TEX11: variants seen among roughly 807,000 people sequenced by gnomAD.
The protein encoded by TEX11 is testis-expressed protein 11.
A neutral mutation model predicts 84.4 loss-of-function variants in TEX11; 7 were observed. The ratio of observed to expected loss-of-function variants is 0.08; its 90% CI spans 0.05 to 0.16. TEX11 has a LOEUF of 0.16. Among genes scored for constraint, TEX11 ranks in the 10% least tolerant of loss-of-function variants. The pLI is 1.00. For synonymous variants in TEX11, 264 were observed against 222.8 expected, an observed-to-expected ratio of 1.18 and a Z score of -1.64; for missense variants, 551 against 660.5, an observed-to-expected ratio of 0.83 and a Z score of 1.82.
chrX:70,538,086 G>A (rs143279045), intron 28 of TEX11, among the ~76,000 whole-genome samples: 115 of 111,585 alleles, frequency 1.0e-3, no homozygotes, highest in African/African-American at 3.7e-3. Context: ...TGAGGGACAC[G>A]TTTTCTTCAG....
chrX:70,892,995 A>G (rs913781385), intron 2 of TEX11, among the ~76,000 whole-genome samples: 4 of 111,464 alleles, frequency 3.6e-5, no homozygotes, highest in African/African-American at 1.3e-4. Context: ...CAACAAGAAG[A>G]GCTAACTATC....
At chrX:70,705,910 A>G (rs1310341642) in intron 13 of TEX11, among the ~76,000 whole-genome samples, 4 of 111,741 alleles carry the variant, frequency 3.6e-5, no homozygotes, top group Non-Finnish European at 7.5e-5. Context: ...TGATTCCTCA[A>G]GGATCTAGAA....
At chrX:70,570,991 T>C (rs1430531911) in intron 25 of TEX11, among the ~76,000 whole-genome samples, 3 of 107,624 alleles carry the variant, frequency 2.8e-5, no homozygotes, top group African/African-American at 9.9e-5. Flanking sequence ...AAGCAACCTA[T>C]AGCTTTGTTG....
At chrX:70,672,838 T>A (rs1346178319) in intron 15 of TEX11, 1 of 111,401 alleles carries the variant, frequency 9.0e-6, no homozygotes, top group Non-Finnish European at 1.9e-5. Flanking sequence ...AATTTTCACT[T>A]TATTTTCTTC....
chrX:70,632,700 C>G (rs2089525013), intron 17 of TEX11, among the ~76,000 whole-genome samples: 1 of 110,942 alleles, frequency 9.0e-6, no homozygotes, highest in Admixed American at 9.6e-5. Context: ...GTTACACTGA[C>G]CAGGAAGAAA....
intron 9 of TEX11, among the ~76,000 whole-genome samples, chrX:70,802,847 T>G (rs956859377): frequency 5.3e-5 from 6 of 112,294 alleles, no homozygotes; most frequent in African/African-American, 1.9e-4. Flanking sequence ...CAATTCTTCT[T>G]TGTAGAATAC....
rs57166359 is a variant in TEX11, at chrX:70,671,910, T to TATATACAC, written c.1243-1397_1243-1396insGTGTATAT. ...ATATATATATATATATATATATATA[T>TATATACAC]ACACACACACATAGCTAAAACCATC... On this transcript the variant is annotated intron_variant, in intron 15 of 29. Coordinates refer to ENST00000374333, the MANE Select transcript of TEX11 (RefSeq NM_031276.3). Among the ~76,000 whole-genome samples the TATATACAC allele has an allele frequency of 6.7e-3, 456 of 67,858 alleles. 9 individuals carry two copies. The highest frequency in any genetic ancestry group is 0.022 in the African/African-American group (427 of 19,506). The allele number at this position is 67,858 out of a possible 115,157, so 58.9% of individuals were successfully genotyped here.
chrX:70,536,145 T>C (rs1166127079), intron 28 of TEX11, among the ~76,000 whole-genome samples: 1 of 111,676 alleles, frequency 9.0e-6, no homozygotes, highest in Non-Finnish European at 1.9e-5. Context: ...AAAAAAATAA[T>C]ACTATCACTT....
intron 17 of TEX11, among the ~76,000 whole-genome samples, chrX:70,644,818 T>C (rs927325764): frequency 1.0e-5 from 1 of 97,978 alleles, no homozygotes; most frequent in Non-Finnish European, 2.1e-5. Context: ...ATATACCTAA[T>C]GCTAGATGAG....
At chrX:70,658,234 A>T (rs925208037) in intron 16 of TEX11, among the ~76,000 whole-genome samples, 2 of 111,191 alleles carry the variant, frequency 1.8e-5, no homozygotes, top group Admixed American at 9.5e-5. Flanking sequence ...CCTGGCCAAC[A>T]TGGTGAAACC....
At chrX:70,772,398 G>C (rs748402954) in intron 9 of TEX11, among the ~76,000 whole-genome samples, 1 of 110,354 alleles carries the variant, frequency 9.1e-6, no homozygotes, top group East Asian at 2.9e-4. Context: ...AACTTAGGGA[G>C]GCCCCATCTA....
chrX:70,745,700 C>T (rs769654024), intron 9 of TEX11, among the ~76,000 whole-genome samples: 1 of 112,025 alleles, frequency 8.9e-6, no homozygotes, highest in Non-Finnish European at 1.9e-5. Flanking sequence ...TGCCACTGCA[C>T]TCCAGCCTGG....
chrX:70,560,677 G>C (rs2088356674), intron 25 of TEX11, among the ~76,000 whole-genome samples: 1 of 109,870 alleles, frequency 9.1e-6, no homozygotes, highest in South Asian at 3.9e-4. Context: ...GTAAACTTTT[G>C]TCTCCACAAA....
intron 25 of TEX11, among the ~76,000 whole-genome samples, chrX:70,571,171 A>T (rs1217159399): frequency 9.0e-6 from 1 of 110,921 alleles, no homozygotes; most frequent in East Asian, 2.8e-4. Context: ...GGCATGTGCC[A>T]CCATGCCTGG....
At chrX:70,748,388 C>T (rs1160063086) in intron 9 of TEX11, among the ~76,000 whole-genome samples, 3 of 111,355 alleles carry the variant, frequency 2.7e-5, no homozygotes, top group Non-Finnish European at 5.7e-5. Flanking sequence ...AGATTAACAG[C>T]TGACACCCCT....
intron 16 of TEX11, among the ~76,000 whole-genome samples, chrX:70,667,471 G>T (rs773391945): frequency 9.0e-6 from 1 of 111,707 alleles, no homozygotes; most frequent in South Asian, 3.7e-4. Flanking sequence ...TTAACACATA[G>T]GAGACAATAA....
the TEX11 span, among the ~76,000 whole-genome samples, chrX:70,514,192 A>G: frequency 9.1e-6 from 1 of 109,818 alleles, no homozygotes; most frequent in Admixed American, 9.6e-5. Flanking sequence ...GGAATTTGGC[A>G]TTTGAAGAAG....
chrX:70,775,799 C>CAAAAAAAAAAA (rs55995616), intron 9 of TEX11, among the ~76,000 whole-genome samples: 7 of 44,076 alleles, frequency 1.6e-4, no homozygotes, highest in East Asian at 1.9e-3. Context: ...GACTCCGTCT[C>CAAAAAAAAAAA]AAAAAAAAAA....
At chrX:70,895,360 A>G (rs2091761047) in intron 2 of TEX11, among the ~76,000 whole-genome samples, 1 of 111,787 alleles carries the variant, frequency 8.9e-6, no homozygotes, top group Non-Finnish European at 1.9e-5. Flanking sequence ...CCACTGCTCA[A>G]GGAAATAAGC....
Sources: gnomAD v4.1 joint callset for allele counts (sites outside exome capture counted in the v4.1 genomes callset) on GRCh38, gnomAD v4.1.1 for gene constraint, MANE v1.5 for transcripts, NCBI Gene and HGNC (gene_info 2026-07-23, HGNC 2026-07-21) for gene names.